Variants in ANKS1B observed in about 807,000 individuals in gnomAD.
ANKS1B encodes the protein ankyrin repeat and sterile alpha motif domain-containing protein 1B.
Under a neutral mutation model 148.3 loss-of-function variants are expected in ANKS1B, and 36 were observed. The ratio of observed to expected loss-of-function variants is 0.24; its 90% confidence interval spans 0.19 to 0.32. ANKS1B has a LOEUF of 0.32. Among genes scored for constraint, ANKS1B ranks in the 10% least tolerant of loss-of-function variants. ANKS1B has a pLI of 1.00. For missense variants in ANKS1B, 1,157 were observed against 1,542.6 expected, an observed-to-expected ratio of 0.75 and a Z score of 4.19; for synonymous variants, 542 against 560.8, an observed-to-expected ratio of 0.97 and a Z score of 0.47.
intron 1 of ANKS1B, among the ~76,000 whole-genome samples, chr12:99,981,693 T>C (rs765260997): frequency 6.6e-6 from 1 of 152,154 alleles, no homozygotes; most frequent in South Asian, 2.1e-4. Flanking sequence ...CTTAATCTTA[T>C]CTTTTTATTC....
chr12:99,716,247 C>G (rs2057314661), intron 8 of ANKS1B, among the ~76,000 whole-genome samples: 1 of 151,832 alleles, frequency 6.6e-6, no homozygotes, highest in African/African-American at 2.4e-5. Context: ...ATTTCCATGC[C>G]CTGACCTCTT....
intron 8 of ANKS1B, among the ~76,000 whole-genome samples, chr12:99,704,442 C>T (rs1426822313): frequency 6.6e-6 from 1 of 152,084 alleles, no homozygotes; most frequent in Admixed American, 6.5e-5. Context: ...AGACTCATTT[C>T]TCTGAAACAG....
At chr12:99,904,471 C>T (rs1269929397) in intron 1 of ANKS1B, among the ~76,000 whole-genome samples, 6 of 152,212 alleles carry the variant, frequency 3.9e-5, no homozygotes, top group African/African-American at 7.2e-5. Flanking sequence ...GGATTACAGA[C>T]ATGAGCCACT....
chr12:99,531,134 T>C (rs1319127413), intron 9 of ANKS1B, among the ~76,000 whole-genome samples: 1 of 152,206 alleles, frequency 6.6e-6, no homozygotes. Context: ...CTTGACTACA[T>C]AGCTTGCTTT....
intron 10 of ANKS1B, among the ~76,000 whole-genome samples, chr12:99,484,020 C>T (rs1281715303): frequency 6.6e-6 from 1 of 151,586 alleles, no homozygotes; most frequent in Non-Finnish European, 1.5e-5. Flanking sequence ...TCTTTGTTAT[C>T]TTTTTTCTTC....
intron 15 of ANKS1B, among the ~76,000 whole-genome samples, chr12:99,112,939 A>ACCAAAGGGCT (rs2060596947): frequency 6.6e-6 from 1 of 152,242 alleles, no homozygotes; most frequent in Non-Finnish European, 1.5e-5. Flanking sequence ...GATAAATAAG[A>ACCAAAGGGCT]CACAATCCTC....
intron 14 of ANKS1B, among the ~76,000 whole-genome samples, chr12:99,231,639 G>A (rs1601885887): frequency 6.7e-6 from 1 of 150,000 alleles, no homozygotes; most frequent in African/African-American, 2.4e-5. Context: ...GTAATAAGGA[G>A]ATTGTAAATA....
chr12:99,448,648 CAT>C (rs2095676042), intron 10 of ANKS1B, among the ~76,000 whole-genome samples: 1 of 152,028 alleles, frequency 6.6e-6, no homozygotes. Context: ...ACAATGTATA[CAT>C]GTTTTAAAAC....
At chr12:99,695,123 T>A (rs1351613340) in intron 8 of ANKS1B, among the ~76,000 whole-genome samples, 1 of 152,076 alleles carries the variant, frequency 6.6e-6, no homozygotes, top group Admixed American at 6.5e-5. Flanking sequence ...CTGTTTATAA[T>A]CAAAAAAGTA....
intron 15 of ANKS1B, chr12:99,093,221 T>C (rs915707906): frequency 2.0e-5 from 3 of 152,252 alleles, no homozygotes; most frequent in Non-Finnish European, 4.4e-5. Flanking sequence ...ATAAATTATT[T>C]ATCTTCTGAA....
chr12:99,250,288 T>G (rs897298969), intron 12 of ANKS1B, among the ~76,000 whole-genome samples: 3 of 152,264 alleles, frequency 2.0e-5, no homozygotes, highest in African/African-American at 7.2e-5. Context: ...AGGAGGTAAT[T>G]GGGACTATGG....
intron 17 of ANKS1B, among the ~76,000 whole-genome samples, chr12:98,996,498 C>T (rs929027029): frequency 6.6e-6 from 1 of 152,002 alleles, no homozygotes; most frequent in African/African-American, 2.4e-5. Context: ...TTCTGCTGGC[C>T]AGATTGGTTC....
intron 1 of ANKS1B, among the ~76,000 whole-genome samples, chr12:99,861,850 C>T (rs867770681): frequency 1.3e-5 from 2 of 151,296 alleles, no homozygotes; most frequent in South Asian, 2.1e-4. Flanking sequence ...AGCTGTTATA[C>T]GAAAGTGAAT....
At chr12:98,867,789 G>T (rs1227170025) in intron 17 of ANKS1B, among the ~76,000 whole-genome samples, 1 of 151,718 alleles carries the variant, frequency 6.6e-6, no homozygotes, top group Non-Finnish European at 1.5e-5. Context: ...GTGGACCCGG[G>T]AGGAGGAGCT....
At chr12:99,463,620 G>A (rs548073702) in intron 10 of ANKS1B, among the ~76,000 whole-genome samples, 5 of 152,262 alleles carry the variant, frequency 3.3e-5, no homozygotes, top group South Asian at 4.1e-4. Flanking sequence ...CTTAAAAAAC[G>A]GTGCACCAGG....
At chr12:99,295,693 T>C (rs2080773927) in intron 12 of ANKS1B, among the ~76,000 whole-genome samples, 2 of 152,172 alleles carry the variant, frequency 1.3e-5, no homozygotes, top group African/African-American at 4.8e-5. Context: ...GTTGTACAGA[T>C]TACTTCACAC....
At chr12:98,949,398 T>C (rs2099850737) in intron 17 of ANKS1B, among the ~76,000 whole-genome samples, 1 of 152,094 alleles carries the variant, frequency 6.6e-6, no homozygotes, top group African/African-American at 2.4e-5. Flanking sequence ...TAAGCAATGT[T>C]GCCCAACTGT....
At chr12:99,614,191 T>C (rs2097925874) in intron 9 of ANKS1B, among the ~76,000 whole-genome samples, 1 of 151,890 alleles carries the variant, frequency 6.6e-6, no homozygotes, top group South Asian at 2.1e-4. Flanking sequence ...TCCCAGCACT[T>C]TGGGAGTCCA....
intron 1 of ANKS1B, among the ~76,000 whole-genome samples, chr12:99,908,397 T>C (rs1030960342): frequency 2.0e-5 from 3 of 151,904 alleles, no homozygotes; most frequent in Non-Finnish European, 4.4e-5. Flanking sequence ...CAGGGCAACA[T>C]AGTAAAACCC....
Sources: allele counts gnomAD v4.1 joint callset (sites outside exome capture counted in the v4.1 genomes callset), GRCh38; gene constraint gnomAD v4.1.1; transcripts MANE v1.5; gene names NCBI Gene and HGNC (gene_info 2026-07-23, HGNC 2026-07-21).